Variants in ESYT2 observed in about 807,000 individuals in gnomAD.
ESYT2 encodes the protein extended synaptotagmin 2.
In ESYT2, 54 loss-of-function variants were observed where a neutral mutation model predicts 107.2. The observed-to-expected ratio is 0.50, with a 90% CI of 0.40 to 0.63. ESYT2 has a LOEUF of 0.63. Ranked by LOEUF, ESYT2 falls within the 30% of genes least tolerant of loss-of-function variation. The pLI, the probability that ESYT2 is intolerant of heterozygous loss-of-function variation, is 0.00. For missense variants in ESYT2, 1,020 were observed against 1,094.5 expected (o/e 0.93, Z 0.96); for synonymous variants, 491 against 434.1 (o/e 1.13, Z -1.63).
chr7:158,734,346 G>A, intron 22 of ESYT2, 76 bp downstream of exon 22: 2 of 1,606,664 alleles, frequency 1.2e-6, no homozygotes, highest in East Asian at 4.5e-5. Context: ...CTGTCTGTGG[G>A]GGACACTACC....
intron 1 of ESYT2, among the ~76,000 whole-genome samples, chr7:158,803,984 T>C (rs13239097): frequency 1.1e-3 from 1 of 876 alleles, no homozygotes. Flanking sequence ...ACCCAAACCG[T>C]CGAGAAGGGT....
intron 16 of ESYT2, among the ~76,000 whole-genome samples, chr7:158,745,396 A>T (rs749081619): frequency 1.2e-4 from 18 of 152,172 alleles, no homozygotes; most frequent in Middle Eastern, 3.4e-3. Context: ...AAAAAAACAT[A>T]AATTCAGAGA....
In ESYT2 at chr7:158,731,839, A is replaced by G. The variant is rs13229349; in HGVS notation, c.*2368T>C. 0.26 allele frequency: 38,991 copies of G among 152,558 alleles called. 6,089 individuals carry two copies. The highest frequency in any genetic ancestry group is 0.6 in the East Asian group (3,107 of 5,162). The allele number at this position is 152,558 out of a possible 1,614,324, so 9.5% of individuals were successfully genotyped here. On this transcript the variant is annotated 3_prime_UTR_variant, in exon 23 of 23. Transcript: ENST00000275418. The stretch of plus-strand genomic sequence containing the variant: ...TTTTGACAACTCAAGAGTGTCTGAC[A>G]TCGCTGGGATCCTGGAGTGCTGAGT...
chr7:158,810,336 T>G (rs1464455469), intron 1 of ESYT2, among the ~76,000 whole-genome samples: 1 of 152,190 alleles, frequency 6.6e-6, no homozygotes, highest in African/African-American at 2.4e-5. Context: ...ACAGAATTAT[T>G]TGTCAATACA....
chr7:158,785,698 A>C lies in ESYT2; in HGVS notation c.747+2306T>G, dbSNP rs188909610. Among the ~76,000 whole-genome samples the C allele has an allele frequency of 5.1e-3, 773 of 152,274 alleles. 4 individuals are homozygous for C. Among genetic ancestry groups the C allele is most frequent in the Non-Finnish European group, 7.9e-3 (536 of 68,014 alleles). ...GTTCAAAGGCTACAGTAAGAGAAAG[A>C]ACTAGGAGTGGAAAACCAGGCTGTC... On this transcript the variant is annotated intron_variant, in intron 6 of 22. Coordinates refer to ENST00000275418, the MANE Select transcript of ESYT2 (RefSeq NM_001367773.1).
intron 1 of ESYT2, among the ~76,000 whole-genome samples, chr7:158,823,747 A>C (rs1840359002): frequency 6.6e-6 from 1 of 152,208 alleles, no homozygotes; most frequent in Non-Finnish European, 1.5e-5. Context: ...TCAAGGTTAA[A>C]GGCTGTGACC....
chr7:158,807,254 G>GAAAAAAAAAAAAA (rs372309924), intron 1 of ESYT2, among the ~76,000 whole-genome samples: 1 of 117,234 alleles, frequency 8.5e-6, no homozygotes, highest in Non-Finnish European at 1.7e-5. Flanking sequence ...CCGTCTGAAG[G>GAAAAAAAAAAAAA]AAAAAAAAAA....
intron 19 of ESYT2, among the ~76,000 whole-genome samples, chr7:158,738,377 A>C (rs1049421477): frequency 1.6e-5 from 2 of 127,018 alleles, no homozygotes; most frequent in East Asian, 2.3e-4. Flanking sequence ...ACACACACAC[A>C]CTCTTCCTGC....
At chr7:158,737,801 T>A (rs914175128) in intron 19 of ESYT2, among the ~76,000 whole-genome samples, 3 of 152,234 alleles carry the variant, frequency 2.0e-5, no homozygotes, top group Non-Finnish European at 2.9e-5. Context: ...TTCCAACAGC[T>A]ATTTATAAGC....
At chr7:158,806,503 T>C (rs1489121337) in intron 1 of ESYT2, among the ~76,000 whole-genome samples, 1 of 152,226 alleles carries the variant, frequency 6.6e-6, no homozygotes, top group Non-Finnish European at 1.5e-5. Flanking sequence ...AGGACTAATA[T>C]TCAATGGCAG....
At chr7:158,798,165 A>G in intron 2 of ESYT2, 89 bp from the exon 3 acceptor site, 1 of 1,394,866 alleles carries the variant, frequency 7.2e-7, no homozygotes, top group East Asian at 2.3e-5. Context: ...GCAACAGACC[A>G]AACCTGGTTT....
At chr7:158,805,267 C>T (rs1208536600) in intron 1 of ESYT2, among the ~76,000 whole-genome samples, 1 of 152,202 alleles carries the variant, frequency 6.6e-6, no homozygotes, top group Admixed American at 6.5e-5. Flanking sequence ...ATCCTATCTG[C>T]CTGTCTTCTC....
intron 6 of ESYT2, among the ~76,000 whole-genome samples, chr7:158,782,369 T>G (rs1838904939): frequency 3.3e-5 from 4 of 121,382 alleles, no homozygotes; most frequent in African/African-American, 3.4e-5. Context: ...AGTGAACGAG[T>G]GTGAGAACAA....
intron 18 of ESYT2, among the ~76,000 whole-genome samples, chr7:158,741,199 C>T (rs1295196242): frequency 3.3e-5 from 5 of 152,320 alleles, no homozygotes; most frequent in East Asian, 1.9e-4. Flanking sequence ...GCCAGCTCTG[C>T]GTCTGTCTTC....
At chr7:158,819,822 C>T (rs1265606899) in intron 1 of ESYT2, among the ~76,000 whole-genome samples, 1 of 152,078 alleles carries the variant, frequency 6.6e-6, no homozygotes, top group African/African-American at 2.4e-5. Flanking sequence ...GGGACTTCAC[C>T]GTGTAACTGA....
intron 17 of ESYT2, among the ~76,000 whole-genome samples, chr7:158,742,419 G>A (rs557688180): frequency 6.2e-4 from 95 of 152,272 alleles, no homozygotes; most frequent in African/African-American, 1.3e-3. Context: ...AGTCTCTTCC[G>A]TTTCCATGTA....
chr7:158,741,746 A>C lies in ESYT2; in HGVS notation c.1945T>G (p.Ser649Ala), dbSNP rs922047011. Residue 649 changes from serine to alanine, a missense_variant, in exon 18 of 23, where the codon TCC becomes GCC. By Grantham distance (99) the Ser-to-Ala change is moderately conservative. Coordinates refer to ENST00000275418, the MANE Select transcript of ESYT2 (RefSeq NM_001367773.1). ...PGPGGSNTAPSTPVIGGSDKP... is the reference protein window; with the variant it reads ...PGPGGSNTAPATPVIGGSDKP... ...TCACTGCCCCCAATGACTGGTGTGG[A>C]TGGAGCTGTGTTGCTGCCACCAGGG... 14 of 1,613,908 alleles carry C rather than the reference A, an allele frequency of 8.7e-6. No individual in the cohort carries two copies. In the Admixed American group the frequency reaches 1.7e-4, roughly 19 times the overall value.
chr7:158,819,588 A>C (rs1840236176), intron 1 of ESYT2, among the ~76,000 whole-genome samples: 1 of 152,240 alleles, frequency 6.6e-6, no homozygotes, highest in African/African-American at 2.4e-5. Flanking sequence ...CATATCATTA[A>C]AACATTAACA....
intron 3 of ESYT2, 123 bp from the exon 4 acceptor site, chr7:158,793,849 C>A: frequency 1.3e-6 from 1 of 793,710 alleles, no homozygotes; most frequent in South Asian, 1.7e-5. Context: ...AATTAAAATT[C>A]TGCCTTCATA....
Sources: gnomAD v4.1 joint callset for allele counts (sites outside exome capture counted in the v4.1 genomes callset) on GRCh38, gnomAD v4.1.1 for gene constraint, MANE v1.5 for transcripts, NCBI Gene and HGNC (gene_info 2026-07-23, HGNC 2026-07-21) for gene names.